The following ZNF717 variants were observed in gnomAD, a reference collection of about 807,000 sequenced individuals.
ZNF717 encodes zinc finger protein 717.
ZNF717 carries 9 observed loss-of-function variants against 13.8 expected under a neutral mutation model. The observed-to-expected ratio is 0.65, with a 90% confidence interval of 0.39 to 1.14. ZNF717 has a LOEUF of 1.14. Ranked by LOEUF, ZNF717 falls within the 50% of genes most tolerant of loss-of-function variation. The pLI, the probability that ZNF717 is intolerant of heterozygous loss-of-function variation, is 0.01. For missense variants in ZNF717, 1,040 were observed against 1,080.7 expected (o/e 0.96, Z 0.53); for synonymous variants, 327 against 364.1 (o/e 0.90, Z 1.16).
chr3:75,765,922 A>T (rs1943430675), intron 2 of ZNF717, among the ~76,000 whole-genome samples: 1 of 152,174 alleles, frequency 6.6e-6, no homozygotes. Flanking sequence ...CAGCCTGTGC[A>T]AAATGGCAAA....
At chr3:75,759,292 T>C (rs988932297) in intron 2 of ZNF717, among the ~76,000 whole-genome samples, 7 of 151,710 alleles carry the variant, frequency 4.6e-5, no homozygotes, top group African/African-American at 1.7e-4. Flanking sequence ...TTTTTTTTTT[T>C]TGAGACGGAG....
chr3:75,732,180 A>G (rs1256468248), downstream of ZNF717: 1 of 702,176 alleles, frequency 1.4e-6, no homozygotes, highest in East Asian at 2.7e-5. Context: ...TGTTCTTAAC[A>G]AGGCTTATCC....
chr3:75,722,803 C>CAAAAACAAAAA, intron 4 of ZNF717, among the ~76,000 whole-genome samples: 1 of 98,914 alleles, frequency 1.0e-5, no homozygotes, highest in South Asian at 2.8e-4. Flanking sequence ...AACTCCATCT[C>CAAAAACAAAAA]AAAAAAAAAA....
intron 6 of ZNF717, among the ~76,000 whole-genome samples, chr3:75,697,380 T>C (rs1937615094): frequency 6.6e-6 from 1 of 152,286 alleles, no homozygotes; most frequent in African/African-American, 2.4e-5. Flanking sequence ...TGAAAGGTGA[T>C]TTAATCATCG....
downstream of ZNF717, chr3:75,729,837 T>C (rs1199250722): frequency 6.6e-6 from 1 of 152,210 alleles, no homozygotes; most frequent in African/African-American, 2.4e-5. Flanking sequence ...AGCTTGACTT[T>C]TCCCTTTAGT....
At chr3:75,723,625 G>C (rs1410460474) in intron 4 of ZNF717, among the ~76,000 whole-genome samples, 1 of 152,200 alleles carries the variant, frequency 6.6e-6, no homozygotes, top group Non-Finnish European at 1.5e-5. Context: ...GGAGCTGAAG[G>C]GACATGGTGA....
chr3:75,705,270 T>C (rs1937781480), downstream of ZNF717, among the ~76,000 whole-genome samples: 1 of 152,304 alleles, frequency 6.6e-6, no homozygotes, highest in Non-Finnish European at 1.5e-5. Flanking sequence ...ATCTGACTCC[T>C]ATTTTGCAGC....
intron 2 of ZNF717, among the ~76,000 whole-genome samples, chr3:75,759,219 G>A (rs1942759530): frequency 6.6e-6 from 1 of 150,674 alleles, no homozygotes; most frequent in Non-Finnish European, 1.5e-5. Flanking sequence ...TGGCCGTCCT[G>A]TATTGTACAC....
chr3:75,730,871 TC>T (rs1454855758), downstream of ZNF717, among the ~76,000 whole-genome samples: 1 of 152,216 alleles, frequency 6.6e-6, no homozygotes, highest in Non-Finnish European at 1.5e-5. Flanking sequence ...AGGAGAAAAA[TC>T]CTTTAATTGT....
At chr3:75,733,772 C>CT (rs1207987788), downstream of ZNF717, among the ~76,000 whole-genome samples, 53 of 25,604 alleles carry the variant, frequency 2.1e-3, no homozygotes, top group Admixed American at 3.4e-3. Context: ...GAGCAAGACT[C>CT]TATCTCAAAA....
rs1318551489 is a variant in ZNF717, at chr3:75,716,318, G to A, written n.667+101C>T. ...ACTAGGCATGCAGACCAATTTGAAA[G>A]TAAATTCACTAGAATATATGCCTCA... On this transcript the variant is annotated intron_variant and non_coding_transcript_variant, in intron 5 of 5. Coordinates refer to the ZNF717 transcript ENST00000491507. 4.6e-5 allele frequency: 7 copies of A among 152,152 alleles called. No homozygotes were observed. In the East Asian group the frequency reaches 9.7e-4, roughly 21 times the overall value. The allele number at this position is 152,152 out of a possible 1,614,324, so 9.4% of individuals were successfully genotyped here. A position where few individuals can be genotyped will look rare whatever the true frequency, so the allele number is the denominator to read the frequency against.
At chr3:75,728,448 G>A (rs1938340744), downstream of ZNF717, among the ~76,000 whole-genome samples, 3 of 152,352 alleles carry the variant, frequency 2.0e-5, no homozygotes, top group African/African-American at 7.2e-5. Context: ...TAAGACTGGG[G>A]TAAGGGGAAA....
intron 2 of ZNF717, among the ~76,000 whole-genome samples, chr3:75,746,077 T>A (rs1487116105): frequency 6.6e-6 from 1 of 152,128 alleles, no homozygotes; most frequent in Non-Finnish European, 1.5e-5. Flanking sequence ...CCTGTGTCCA[T>A]GTGTTTTCAT....
At chr3:75,758,785 G>T (rs932410970) in intron 2 of ZNF717, among the ~76,000 whole-genome samples, 11 of 152,156 alleles carry the variant, frequency 7.2e-5, no homozygotes, top group South Asian at 2.1e-4. Context: ...AGGCCAAGGT[G>T]GGGGGATTGC....
At chr3:75,728,794 TTTC>T (rs1434235488), downstream of ZNF717, among the ~76,000 whole-genome samples, 1 of 152,228 alleles carries the variant, frequency 6.6e-6, no homozygotes, top group Admixed American at 6.5e-5. Flanking sequence ...GTCTTGAGTA[TTTC>T]TTCAGAGCAG....
chr3:75,704,966 A>C (rs556671388), downstream of ZNF717, among the ~76,000 whole-genome samples: 11 of 151,980 alleles, frequency 7.2e-5, no homozygotes, highest in Admixed American at 3.9e-4. Flanking sequence ...GTGGTATTTA[A>C]CAGCCCTACA....
chr3:75,770,283 G>C (rs547596673), intron 2 of ZNF717, among the ~76,000 whole-genome samples: 1 of 152,214 alleles, frequency 6.6e-6, no homozygotes, highest in African/African-American at 2.4e-5. Flanking sequence ...GAAGCAGGCC[G>C]GGCACGGTGG....
intron 2 of ZNF717, among the ~76,000 whole-genome samples, chr3:75,782,777 T>A (rs548083863): frequency 1.3e-5 from 2 of 152,308 alleles, no homozygotes; most frequent in African/African-American, 4.8e-5. Context: ...CCGTTTCCAC[T>A]GCACAACACA....
intron 2 of ZNF717, among the ~76,000 whole-genome samples, chr3:75,743,817 G>C (rs1295308582): frequency 2.0e-5 from 3 of 152,368 alleles, no homozygotes; most frequent in African/African-American, 4.8e-5. Context: ...GTGTTGTGAA[G>C]TGAAATTTGC....
Sources: allele counts gnomAD v4.1 joint callset (sites outside exome capture counted in the v4.1 genomes callset), GRCh38; gene constraint gnomAD v4.1.1; transcripts MANE v1.5; gene names NCBI Gene and HGNC (gene_info 2026-07-23, HGNC 2026-07-21).